Variants in ECRG4 observed in about 807,000 individuals in gnomAD.
ECRG4 encodes the protein augurin.
A neutral mutation model predicts 15.8 loss-of-function variants in ECRG4; 18 were observed. The observed-to-expected ratio is 1.14, with a 90% CI of 0.79 to 1.69. The LOEUF (loss-of-function observed/expected upper bound fraction) is 1.69, where lower values mean the gene tolerates loss of function less well. Among genes scored for constraint, ECRG4 ranks in the 40% most tolerant of loss-of-function variants. ECRG4 has a pLI of 0.00. For missense variants in ECRG4, 200 were observed against 190.9 expected, an observed-to-expected ratio of 1.05 and a Z score of -0.28; for synonymous variants, 82 against 73.9, an observed-to-expected ratio of 1.11 and a Z score of -0.56.
chr2:106,067,191 C>T (rs1041833548), intron 1 of ECRG4, among the ~76,000 whole-genome samples: 4 of 150,914 alleles, frequency 2.7e-5, no homozygotes, highest in Non-Finnish European at 4.4e-5. Flanking sequence ...ACTCGGGAGG[C>T]TGAGGCAGGA....
intron 1 of ECRG4, among the ~76,000 whole-genome samples, chr2:106,067,288 G>A (rs548940800): frequency 4.0e-5 from 6 of 151,638 alleles, no homozygotes; most frequent in Admixed American, 1.3e-4. Flanking sequence ...GTGAAACTCC[G>A]TCGCAAAATA....
chr2:106,073,759 A>G, intron 2 of ECRG4, 127 bp from the exon 3 acceptor site: 1 of 1,054,976 alleles, frequency 9.5e-7, no homozygotes, highest in South Asian at 1.5e-5. Context: ...TGCAAGTAAG[A>G]ATGAAGTTGA....
At chr2:106,069,327 CTCTT>C (rs1370946182) in intron 1 of ECRG4, among the ~76,000 whole-genome samples, 100 of 129,166 alleles carry the variant, frequency 7.7e-4, no homozygotes, top group African/African-American at 1.6e-3. Context: ...CTTTCTCTCT[CTCTT>C]TCTTTCTTTT....
intron 3 of ECRG4, among the ~76,000 whole-genome samples, chr2:106,076,401 A>G (rs765239144): frequency 2.6e-5 from 4 of 151,720 alleles, no homozygotes; most frequent in African/African-American, 4.9e-5. Flanking sequence ...ATGTTGTATT[A>G]TGGGAAAGCA....
upstream of ECRG4, chr2:106,064,179 A>C (rs1458262116): frequency 6.6e-6 from 1 of 152,202 alleles, no homozygotes; most frequent in Non-Finnish European, 1.5e-5. Flanking sequence ...GATGTGTAAC[A>C]TTATCCTTCT....
chr2:106,069,508 T>C (rs1676315646), intron 1 of ECRG4, among the ~76,000 whole-genome samples: 1 of 152,098 alleles, frequency 6.6e-6, no homozygotes. Flanking sequence ...TAATTTTTTG[T>C]ATTTTTAGTA....
intron 1 of ECRG4, among the ~76,000 whole-genome samples, chr2:106,067,973 T>A (rs1676260493): frequency 6.6e-6 from 1 of 150,766 alleles, no homozygotes; most frequent in Non-Finnish European, 1.5e-5. Flanking sequence ...TAGCTGGGAC[T>A]ACAGGTGTGT....
upstream of ECRG4, among the ~76,000 whole-genome samples, chr2:106,063,802 A>AAAC (rs1396317987): frequency 6.6e-6 from 1 of 152,118 alleles, no homozygotes; most frequent in African/African-American, 2.4e-5. Context: ...GGCTGGTCTC[A>AAAC]AACTCCTGAC....
chr2:106,072,230 G>A (rs1676385605), intron 2 of ECRG4: 1 of 201,624 alleles, frequency 5.0e-6, no homozygotes, highest in Admixed American at 5.8e-5. Context: ...TCCTCAGTTG[G>A]TGGGGCAGGC....
chr2:106,072,427 G>C (rs567170921), intron 2 of ECRG4: 2 of 152,602 alleles, frequency 1.3e-5, no homozygotes, highest in East Asian at 3.8e-4. Context: ...TGGACCTGCT[G>C]TAATCAGATC....
chr2:106,066,444 C>A (rs1225425473), intron 1 of ECRG4, among the ~76,000 whole-genome samples: 5 of 152,248 alleles, frequency 3.3e-5, no homozygotes. Context: ...TGCATTCACA[C>A]GCACACCCAG....
At chr2:106,073,211 C>T (rs1573362632) in intron 2 of ECRG4, among the ~76,000 whole-genome samples, 1 of 152,168 alleles carries the variant, frequency 6.6e-6, no homozygotes, top group African/African-American at 2.4e-5. Flanking sequence ...GCACATCCTG[C>T]GGAAGTGGTT....
intron 3 of ECRG4, 48 bp downstream of exon 3, chr2:106,074,091 G>A (rs752560819): frequency 6.3e-7 from 1 of 1,599,446 alleles, no homozygotes; most frequent in South Asian, 1.1e-5. Flanking sequence ...GGGAAGGGTG[G>A]CAGGGAGGAG....
At chr2:106,066,905 A>G (rs762618020) in intron 1 of ECRG4, among the ~76,000 whole-genome samples, 2 of 151,752 alleles carry the variant, frequency 1.3e-5, no homozygotes, top group African/African-American at 2.4e-5. Context: ...GGTGGGGAGG[A>G]TTATTGTTCC....
chr2:106,076,281 A>T (rs1439319779), intron 3 of ECRG4, among the ~76,000 whole-genome samples: 1 of 152,214 alleles, frequency 6.6e-6, no homozygotes, highest in Non-Finnish European at 1.5e-5. Flanking sequence ...AGATCATGCC[A>T]CTTCACTCCA....
At chr2:106,072,810 G>A (rs1270624329) in intron 2 of ECRG4, among the ~76,000 whole-genome samples, 1 of 152,204 alleles carries the variant, frequency 6.6e-6, no homozygotes, top group African/African-American at 2.4e-5. Context: ...CTGTGTGGTG[G>A]CCAGAGCCTT....
Position 106,074,006 on chromosome 2 carries a change from G to T in ECRG4, c.248G>T (p.Trp83Leu), listed in dbSNP as rs1676429373. The change falls in exon 3 of 4, where the codon TGG (tryptophan) becomes TTG (leucine). Residue 83 changes from tryptophan to leucine, a missense_variant. Physicochemically the swap from Trp to Leu is moderately conservative, Grantham distance 61. Transcript: ENST00000238044. ...WDRTRPEVQQWYQQFLYMGFD... is the reference protein window; with the variant it reads ...WDRTRPEVQQLYQQFLYMGFD... ...CGGACTCGGCCCGAGGTGCAGCAGTGGTACCAGCAGTTTCTCTACATGGGC... is the reference window on the plus strand; with the variant it reads ...CGGACTCGGCCCGAGGTGCAGCAGTTGTACCAGCAGTTTCTCTACATGGGC... 1 of 1,613,638 alleles carries T rather than the reference G, an allele frequency of 6.2e-7. No homozygotes were observed. Among genetic ancestry groups the T allele is most frequent in the African/African-American group, 1.3e-5 (1 of 74,926 alleles).
At chr2:106,065,661 A>C, upstream of ECRG4, 1 of 851,510 alleles carries the variant, frequency 1.2e-6, no homozygotes, top group Non-Finnish European at 1.6e-6. Context: ...ACGCAGGGAT[A>C]ACCCGCGGCC....
chr2:106,063,742 C>T (rs1676148881), upstream of ECRG4, among the ~76,000 whole-genome samples: 1 of 152,182 alleles, frequency 6.6e-6, no homozygotes, highest in African/African-American at 2.4e-5. Context: ...ACCACCACGC[C>T]TGGCTAATTT....
Sources: allele counts gnomAD v4.1 joint callset (sites outside exome capture counted in the v4.1 genomes callset), GRCh38; gene constraint gnomAD v4.1.1; transcripts MANE v1.5; gene names NCBI Gene and HGNC (gene_info 2026-07-23, HGNC 2026-07-21).